Variants in NFIB observed in about 807,000 individuals in gnomAD.
NFIB encodes the protein nuclear factor 1 B-type.
NFIB carries 11 observed loss-of-function variants against 61.5 expected under a neutral mutation model. The observed-to-expected ratio is 0.18, with a 90% CI of 0.11 to 0.30. The LOEUF (loss-of-function observed/expected upper bound fraction) is 0.30. Among genes scored for constraint, NFIB ranks in the 10% least tolerant of loss-of-function variants. NFIB has a pLI of 1.00. For missense variants in NFIB, 471 were observed against 608.9 expected (o/e 0.77, Z 2.38); for synonymous variants, 260 against 216.5 (o/e 1.20, Z -1.76).
At chr9:14,247,924 TTTC>T (rs899477120) in intron 2 of NFIB, among the ~76,000 whole-genome samples, 2 of 146,630 alleles carry the variant, frequency 1.4e-5, no homozygotes, top group African/African-American at 2.5e-5. Context: ...CTACTAATTT[TTTC>T]TTTTTTTCTT....
At chr9:14,294,554 T>C (rs188498986) in intron 2 of NFIB, among the ~76,000 whole-genome samples, 34 of 152,310 alleles carry the variant, frequency 2.2e-4, no homozygotes, top group Admixed American at 2.2e-3. Context: ...GTGTATCCCA[T>C]GAACAGAACT....
At chr9:14,404,236 A>G in the NFIB span, among the ~76,000 whole-genome samples, 3 of 152,194 alleles carry the variant, frequency 2.0e-5, no homozygotes, top group Non-Finnish European at 4.4e-5. Flanking sequence ...CAGCTATCAA[A>G]AATGCAAGAA....
intron 1 of NFIB, among the ~76,000 whole-genome samples, chr9:14,359,463 C>G (rs1433292159): frequency 2.0e-5 from 3 of 152,204 alleles, no homozygotes; most frequent in Non-Finnish European, 4.4e-5. Flanking sequence ...CAAGGAATAC[C>G]TGGAGGCACC....
At chr9:14,464,134 GA>G in the NFIB span, among the ~76,000 whole-genome samples, 8 of 152,116 alleles carry the variant, frequency 5.3e-5, no homozygotes, top group African/African-American at 1.9e-4. Context: ...AGTAGACAGA[GA>G]AAAGAAAAAT....
chr9:14,492,963 A>G, the NFIB span, among the ~76,000 whole-genome samples: 1 of 152,184 alleles, frequency 6.6e-6, no homozygotes, highest in Non-Finnish European at 1.5e-5. Flanking sequence ...CTGTTTGATG[A>G]GGAATGAGGA....
chr9:14,471,755 C>T, the NFIB span, among the ~76,000 whole-genome samples: 2 of 152,186 alleles, frequency 1.3e-5, no homozygotes, highest in South Asian at 4.1e-4. Context: ...TAGTCCATCA[C>T]TTTACCAAGC....
the NFIB span, among the ~76,000 whole-genome samples, chr9:14,450,354 A>C: frequency 2.0e-5 from 3 of 152,286 alleles, no homozygotes; most frequent in African/African-American, 4.8e-5. Flanking sequence ...TTTACTCTTC[A>C]AACTGCATTG....
chr9:14,417,714 T>C, the NFIB span, among the ~76,000 whole-genome samples: 2 of 152,148 alleles, frequency 1.3e-5, no homozygotes, highest in East Asian at 3.9e-4. Flanking sequence ...AAAATACAAG[T>C]TGTTAGGTAT....
chr9:14,178,088 A>G (rs1055287809), intron 3 of NFIB, among the ~76,000 whole-genome samples: 1 of 152,172 alleles, frequency 6.6e-6, no homozygotes, highest in African/African-American at 2.4e-5. Context: ...TCCGACTTAT[A>G]ATAGCTATCA....
chr9:14,457,462 C>T, the NFIB span, among the ~76,000 whole-genome samples: 4 of 151,730 alleles, frequency 2.6e-5, no homozygotes, highest in African/African-American at 4.8e-5. Flanking sequence ...ACTAGAGAAG[C>T]GAGAGCAAAC....
At chr9:14,322,050 T>C in intron 1 of NFIB, 1 of 1,218,434 alleles carries the variant, frequency 8.2e-7, no homozygotes, top group Non-Finnish European at 1.0e-6. Flanking sequence ...TCAGGGGTTG[T>C]TTTGGTGTCG....
At chr9:14,198,249 A>T (rs1231688187) in intron 2 of NFIB, among the ~76,000 whole-genome samples, 1 of 152,190 alleles carries the variant, frequency 6.6e-6, no homozygotes, top group Non-Finnish European at 1.5e-5. Context: ...CATGATTCAC[A>T]GTGTGGGCTA....
chr9:14,349,250 C>G (rs2061075300), intron 1 of NFIB, among the ~76,000 whole-genome samples: 1 of 152,114 alleles, frequency 6.6e-6, no homozygotes, highest in Non-Finnish European at 1.5e-5. Context: ...GCATGCGAAC[C>G]TGTGGGAAGG....
At chr9:14,402,180 T>A (rs192042293), upstream of NFIB, among the ~76,000 whole-genome samples, 1 of 152,156 alleles carries the variant, frequency 6.6e-6, no homozygotes, top group African/African-American at 2.4e-5. Flanking sequence ...GCAAAAATCA[T>A]CCGGCTTAGA....
intron 1 of NFIB, among the ~76,000 whole-genome samples, chr9:14,363,305 C>A (rs1297187573): frequency 6.6e-6 from 1 of 152,142 alleles, no homozygotes; most frequent in African/African-American, 2.4e-5. Flanking sequence ...GGCAGTGGTT[C>A]AAAAACTGGC....
At chr9:14,357,610 G>C (rs1299335151) in intron 1 of NFIB, 1 of 152,200 alleles carries the variant, frequency 6.6e-6, no homozygotes, top group Non-Finnish European at 1.5e-5. Context: ...CCTTAATCAT[G>C]TGGAAAATAA....
intron 6 of NFIB, among the ~76,000 whole-genome samples, chr9:14,145,258 A>G (rs12554151): frequency 0.26 from 39,319 of 151,786 alleles, 5,967 homozygotes; most frequent in African/African-American, 0.4. Flanking sequence ...GCCATTCTCA[A>G]ATTTGCCTCC....
At chr9:14,327,384 G>C (rs962342970) in intron 1 of NFIB, among the ~76,000 whole-genome samples, 1 of 152,170 alleles carries the variant, frequency 6.6e-6, no homozygotes, top group Non-Finnish European at 1.5e-5. Context: ...ACTTAAAGAA[G>C]ATCAATAACT....
exon 1 of NFIB, chr9:14,398,549 A>G (rs1481051457): frequency 6.5e-7 from 1 of 1,535,454 alleles, no homozygotes; most frequent in South Asian, 1.2e-5. Flanking sequence ...CAGAGTTGAC[A>G]TTCTTTTAGG....
Sources: gnomAD v4.1 joint callset for allele counts (sites outside exome capture counted in the v4.1 genomes callset) on GRCh38, gnomAD v4.1.1 for gene constraint, MANE v1.5 for transcripts, NCBI Gene and HGNC (gene_info 2026-07-23, HGNC 2026-07-21) for gene names.